The following RBKS variants were observed in gnomAD, a reference collection of about 807,000 sequenced individuals.
RBKS encodes the protein ribokinase.
Under a neutral mutation model 33.9 loss-of-function variants are expected in RBKS, and 33 were observed. That is an observed-to-expected ratio of 0.97 (90% CI 0.74 to 1.30). The LOEUF (loss-of-function observed/expected upper bound fraction) is 1.30. RBKS is among the 50% of genes most tolerant of loss of function. The probability of loss-of-function intolerance (pLI) is 0.00; values close to 1 mark genes in which losing one functional copy is unlikely to be tolerated. For missense variants in RBKS, 361 were observed against 392.6 expected (o/e 0.92, Z 0.68); for synonymous variants, 125 against 143.0 (o/e 0.87, Z 0.90).
intron 1 of RBKS, among the ~76,000 whole-genome samples, chr2:27,864,338 C>T (rs13004096): frequency 0.2 from 30,326 of 152,084 alleles, 4,056 homozygotes; most frequent in East Asian, 0.63. Flanking sequence ...AAAATGTCTG[C>T]GACTAAAATG....
intron 3 of RBKS, among the ~76,000 whole-genome samples, chr2:27,847,424 T>G (rs904170940): frequency 4.6e-5 from 7 of 152,206 alleles, no homozygotes; most frequent in Non-Finnish European, 1.0e-4. Context: ...TGTTCTTCAT[T>G]GAAAGGAATG....
intron 1 of RBKS, chr2:27,870,738 A>T: frequency 2.2e-6 from 1 of 459,438 alleles, no homozygotes; most frequent in South Asian, 1.6e-5. Flanking sequence ...GAAGCTGTCC[A>T]GCCATGGCAG....
intron 7 of RBKS, among the ~76,000 whole-genome samples, chr2:27,816,107 G>A (rs1678086704): frequency 6.6e-6 from 1 of 152,236 alleles, no homozygotes; most frequent in Non-Finnish European, 1.5e-5. Flanking sequence ...AACAGCCTTA[G>A]ATTTGGCCCT....
At chr2:27,786,191 TTG>T (rs1677397718) in intron 7 of RBKS, among the ~76,000 whole-genome samples, 1 of 152,222 alleles carries the variant, frequency 6.6e-6, no homozygotes, top group South Asian at 2.1e-4. Flanking sequence ...ATGTATCAAA[TTG>T]TGAATATTTG....
chr2:27,783,723 C>T (rs991348351), intron 7 of RBKS, among the ~76,000 whole-genome samples: 4 of 151,666 alleles, frequency 2.6e-5, no homozygotes, highest in African/African-American at 7.3e-5. Flanking sequence ...CCGGCTAACA[C>T]GGTGAAACCC....
intron 4 of RBKS, 38 bp downstream of exon 4, chr2:27,847,004 G>A: frequency 1.4e-6 from 2 of 1,403,202 alleles, no homozygotes; most frequent in Non-Finnish European, 2.0e-6. Context: ...GAAATACACT[G>A]TCTTATGAAA....
chr2:27,866,301 T>C (rs1016690384), intron 1 of RBKS, among the ~76,000 whole-genome samples: 1 of 152,216 alleles, frequency 6.6e-6, no homozygotes, highest in Non-Finnish European at 1.5e-5. Context: ...CCTCTATATG[T>C]AATGTGTACC....
At chr2:27,876,761 T>A (rs1664323129) in intron 1 of RBKS, among the ~76,000 whole-genome samples, 1 of 152,094 alleles carries the variant, frequency 6.6e-6, no homozygotes, top group Non-Finnish European at 1.5e-5. Flanking sequence ...TGTAAAAAAA[T>A]GTGGATGTAC....
Position 27,869,290 on chromosome 2 carries a change from C to A in RBKS, c.90-10719G>T, listed in dbSNP as rs182877626. 2.9e-4 allele frequency among the ~76,000 whole-genome samples: 44 copies of A among 152,230 alleles called. 1 individual carries two copies. The highest frequency in any genetic ancestry group is 2.9e-3 in the Admixed American group (44 of 15,300). ...GAACCAAGATGCTGAGACAGCAAGGCCAAATAATGGTGCTCCTTTCCTACT... is the reference window on the plus strand; with the variant it reads ...GAACCAAGATGCTGAGACAGCAAGGACAAATAATGGTGCTCCTTTCCTACT... On this transcript the variant is annotated intron_variant, in intron 1 of 7. Transcript: ENST00000302188.
At chr2:27,877,364 A>T (rs747467727) in intron 1 of RBKS, among the ~76,000 whole-genome samples, 1 of 151,656 alleles carries the variant, frequency 6.6e-6, no homozygotes, top group Non-Finnish European at 1.5e-5. Flanking sequence ...TTTTATGTTT[A>T]TATCTTCTGT....
chr2:27,880,495 A>G (rs1425607664), intron 1 of RBKS, among the ~76,000 whole-genome samples: 1 of 152,176 alleles, frequency 6.6e-6, no homozygotes, highest in Non-Finnish European at 1.5e-5. Flanking sequence ...CCCTATTTGC[A>G]TGATTCTATA....
intron 1 of RBKS, among the ~76,000 whole-genome samples, chr2:27,865,086 T>C (rs941803225): frequency 1.3e-5 from 2 of 152,132 alleles, no homozygotes; most frequent in Admixed American, 6.5e-5. Context: ...TTTGGGAGGC[T>C]GAGGTGGGCA....
At chr2:27,860,977 T>C (rs6714106) in intron 1 of RBKS, among the ~76,000 whole-genome samples, 99,637 of 151,182 alleles carry the variant, frequency 0.66, 34,377 homozygotes, top group Middle Eastern at 0.8. Flanking sequence ...CTTTCTCTCT[T>C]TTTTTTTTTA....
At chr2:27,828,601 C>T (rs1043416183) in intron 6 of RBKS, among the ~76,000 whole-genome samples, 1 of 152,210 alleles carries the variant, frequency 6.6e-6, no homozygotes, top group African/African-American at 2.4e-5. Context: ...CTCATTCAGT[C>T]TGTGACCTTC....
intron 7 of RBKS, among the ~76,000 whole-genome samples, chr2:27,796,787 G>A (rs1275146396): frequency 6.6e-6 from 1 of 152,210 alleles, no homozygotes; most frequent in Non-Finnish European, 1.5e-5. Context: ...CTGGAGCTGG[G>A]TATGGGTCTG....
At position 27,840,047 on chromosome 2, in the gene RBKS, T is replaced by C. The variant is rs1459865798; in HGVS notation, c.514+3020A>G. 1.2e-4 allele frequency among the ~76,000 whole-genome samples: 17 copies of C among 145,370 alleles called. 1 individual carries two copies. The highest frequency in any genetic ancestry group is 1.1e-3 in the Admixed American group (15 of 14,150). ...TTTTTTTTTTTTTTTTGAGATGGAG[T>C]CTCGCTCTGTCACCCAGGCTGGAGT... On this transcript the variant is annotated intron_variant, in intron 5 of 7. Transcript: ENST00000302188.
chr2:27,817,513 AAAGAAATAC>A (rs1168081846), intron 7 of RBKS, among the ~76,000 whole-genome samples: 1 of 152,222 alleles, frequency 6.6e-6, no homozygotes, highest in Non-Finnish European at 1.5e-5. Flanking sequence ...ACACTGCTAT[AAAGAAATAC>A]CCAAGACTGG....
rs574107658 is a variant in RBKS, at chr2:27,847,790, G to C, written c.286+244C>G. Reference sequence around the variant, plus strand: ...GTGAATGCAGCACCTTTTTCTCCTTGTCATTTGTCACATGTTCATGAGATG... The same window carrying C: ...GTGAATGCAGCACCTTTTTCTCCTTCTCATTTGTCACATGTTCATGAGATG... On this transcript the variant is annotated intron_variant, in intron 3 of 7. Coordinates refer to ENST00000302188, the MANE Select transcript of RBKS (RefSeq NM_022128.3). Among the ~76,000 whole-genome samples, 3 of 152,264 alleles carry C rather than the reference G, an allele frequency of 2.0e-5. No homozygotes were observed. In the South Asian group the frequency reaches 6.2e-4, roughly 32 times the overall value.
intron 5 of RBKS, 22 bp from the exon 6 acceptor site, chr2:27,832,799 G>A: frequency 6.9e-7 from 1 of 1,455,944 alleles, no homozygotes; most frequent in East Asian, 2.3e-5. Flanking sequence ...TGGAAAAGGG[G>A]GTTATTATTA....
Sources: gnomAD v4.1 joint callset for allele counts (sites outside exome capture counted in the v4.1 genomes callset) on GRCh38, gnomAD v4.1.1 for gene constraint, MANE v1.5 for transcripts, NCBI Gene and HGNC (gene_info 2026-07-23, HGNC 2026-07-21) for gene names.